Variants in GALNTL6 observed in about 807,000 individuals in gnomAD.
GALNTL6 encodes polypeptide N-acetylgalactosaminyltransferase-like 6.
GALNTL6 carries 46 observed loss-of-function variants against 73.7 expected under a neutral mutation model. That is an observed-to-expected ratio of 0.62 (90% CI 0.49 to 0.80). The LOEUF is 0.80. Ranked by LOEUF, GALNTL6 falls within the 30% of genes least tolerant of loss-of-function variation. GALNTL6 has a pLI of 0.00. For synonymous variants in GALNTL6, 259 were observed against 263.7 expected (o/e 0.98, Z 0.17); for missense variants, 604 against 755.0 (o/e 0.80, Z 2.34).
chr4:172,527,862 A>C (rs1388656608), intron 5 of GALNTL6, among the ~76,000 whole-genome samples: 1 of 152,128 alleles, frequency 6.6e-6, no homozygotes, highest in East Asian at 1.9e-4. Flanking sequence ...GTGTGAACCC[A>C]TTATGTGTTG....
intron 5 of GALNTL6, among the ~76,000 whole-genome samples, chr4:172,747,710 G>A (rs1737186706): frequency 2.0e-5 from 3 of 151,754 alleles, no homozygotes. Context: ...AGAGATGTAT[G>A]CACCCCCATG....
At chr4:172,492,804 C>T (rs1273526825) in intron 5 of GALNTL6, among the ~76,000 whole-genome samples, 1 of 152,066 alleles carries the variant, frequency 6.6e-6, no homozygotes, top group African/African-American at 2.4e-5. Context: ...TTTAATATAA[C>T]ATGCTTAGGT....
intron 8 of GALNTL6, among the ~76,000 whole-genome samples, chr4:172,912,745 G>C (rs1188696344): frequency 6.6e-6 from 1 of 152,232 alleles, no homozygotes; most frequent in Non-Finnish European, 1.5e-5. Context: ...GCCCAGCGCA[G>C]CTCAGTGAGG....
At chr4:172,964,191 T>C (rs1014229494) in intron 10 of GALNTL6, among the ~76,000 whole-genome samples, 3 of 152,218 alleles carry the variant, frequency 2.0e-5, no homozygotes, top group African/African-American at 4.8e-5. Context: ...TGCCTCTTTT[T>C]GTGTCAAGAT....
At chr4:172,876,061 C>T (rs569047861) in intron 7 of GALNTL6, among the ~76,000 whole-genome samples, 83 of 152,274 alleles carry the variant, frequency 5.5e-4, no homozygotes, top group Middle Eastern at 3.4e-3. Flanking sequence ...ATATTTATGG[C>T]TATAGTTTGG....
chr4:172,695,156 C>T (rs1285233232), intron 5 of GALNTL6, among the ~76,000 whole-genome samples: 1 of 152,124 alleles, frequency 6.6e-6, no homozygotes, highest in African/African-American at 2.4e-5. Context: ...TTATCTTCTT[C>T]CTTTACAATG....
Position 172,504,159 on chromosome 4 carries a change from C to CA in GALNTL6, c.553+155490dup, listed in dbSNP as rs775200126. Among the ~76,000 whole-genome samples the CA allele has an allele frequency of 1.2e-3, 6 of 5,154 alleles. 1 individual carries two copies. The highest frequency in any genetic ancestry group is 3.3e-3 in the African/African-American group (6 of 1,820). The allele number at this position is 5,154 out of a possible 152,430, so 3.4% of individuals were successfully genotyped here. A position where few individuals can be genotyped will look rare whatever the true frequency, so the allele number is the denominator to read the frequency against. ...TGGGCAACAGAGCGAGACTCTGTCTCAAAAAAAAAAAAAAAAAAAACTCAC... is the reference window on the plus strand; with the variant it reads ...TGGGCAACAGAGCGAGACTCTGTCTCAAAAAAAAAAAAAAAAAAAAACTCAC... On this transcript the variant is annotated intron_variant, in intron 5 of 12. Coordinates refer to ENST00000506823, the MANE Select transcript of GALNTL6 (RefSeq NM_001034845.3).
chr4:172,132,548 T>A (rs77115648), intron 2 of GALNTL6, among the ~76,000 whole-genome samples: 16,252 of 152,146 alleles, frequency 0.11, 1,186 homozygotes, highest in Middle Eastern at 0.17. Context: ...AGTGTGCACG[T>A]GTGCATGTAC....
intron 2 of GALNTL6, among the ~76,000 whole-genome samples, chr4:171,859,850 G>T (rs565635458): frequency 3.8e-4 from 58 of 152,226 alleles, no homozygotes; most frequent in Non-Finnish European, 6.9e-4. Context: ...TCTACTCCCA[G>T]GAAAAATAGA....
At chr4:172,206,730 GAACAAAATTTTAGAACAGAATGCAT>G (rs1736121913) in intron 2 of GALNTL6, among the ~76,000 whole-genome samples, 1 of 151,128 alleles carries the variant, frequency 6.6e-6, no homozygotes, top group Admixed American at 6.6e-5. Flanking sequence ...CTGAGTCTGG[GAACAAAATTTTAGAACAGAATGCAT>G]ATCAGAGCAG....
intron 2 of GALNTL6, among the ~76,000 whole-genome samples, chr4:171,862,454 G>A (rs1357098344): frequency 6.6e-6 from 1 of 151,958 alleles, no homozygotes; most frequent in Non-Finnish European, 1.5e-5. Flanking sequence ...CTAAATACAT[G>A]TTAATTTATT....
intron 3 of GALNTL6, among the ~76,000 whole-genome samples, chr4:172,299,301 A>G (rs1043720017): frequency 2.6e-5 from 4 of 151,654 alleles, no homozygotes; most frequent in African/African-American, 7.3e-5. Context: ...AATGTTGTTG[A>G]TCTTTTCAAA....
At chr4:172,905,781 G>A (rs921862894) in intron 8 of GALNTL6, among the ~76,000 whole-genome samples, 1 of 102,620 alleles carries the variant, frequency 9.7e-6, no homozygotes, top group Non-Finnish European at 1.8e-5. Flanking sequence ...GTTTTAAGAT[G>A]GAAAAGAAAG....
chr4:171,950,041 TGAGAATAGCCCTGGC>T (rs1738825000), intron 2 of GALNTL6, among the ~76,000 whole-genome samples: 1 of 152,160 alleles, frequency 6.6e-6, no homozygotes, highest in South Asian at 2.1e-4. Context: ...ACCAAAGATC[TGAGAATAGCCCTGGC>T]GAGAAAATAG....
intron 5 of GALNTL6, among the ~76,000 whole-genome samples, chr4:172,384,603 C>G (rs532177526): frequency 6.6e-6 from 1 of 151,854 alleles, no homozygotes; most frequent in South Asian, 2.1e-4. Context: ...AATTTCTACC[C>G]TTAATACTAT....
chr4:172,596,432 G>A (rs1165031968), intron 5 of GALNTL6, among the ~76,000 whole-genome samples: 1 of 145,508 alleles, frequency 6.9e-6, no homozygotes, highest in Non-Finnish European at 1.5e-5. Context: ...GCAACAGAGG[G>A]AGACATTGTC....
Position 171,826,891 on chromosome 4 carries a change from C to T in GALNTL6, c.138+12173C>T, listed in dbSNP as rs77398414. 2.0e-4 allele frequency among the ~76,000 whole-genome samples: 31 copies of T among 152,138 alleles called. No homozygotes were observed. In the East Asian group the frequency reaches 4.6e-3, roughly 23 times the overall value. ...ATTCTTCTGTCTTCACTGCCATTCC[C>T]AACCAACACCCATACCACGTACATT... On this transcript the variant is annotated intron_variant, in intron 2 of 12. Transcript: ENST00000506823.
At chr4:172,004,919 C>A (rs1740789895) in intron 2 of GALNTL6, among the ~76,000 whole-genome samples, 1 of 150,400 alleles carries the variant, frequency 6.6e-6, no homozygotes, top group Admixed American at 6.6e-5. Flanking sequence ...AAGTTTGGAA[C>A]CTTAGATTTA....
intron 4 of GALNTL6, among the ~76,000 whole-genome samples, chr4:172,346,803 T>C (rs1025149915): frequency 6.6e-6 from 1 of 152,100 alleles, no homozygotes; most frequent in Non-Finnish European, 1.5e-5. Flanking sequence ...TCATGTGTAC[T>C]AGTAATTTGA....
Sources: allele counts gnomAD v4.1 joint callset (sites outside exome capture counted in the v4.1 genomes callset), GRCh38; gene constraint gnomAD v4.1.1; transcripts MANE v1.5; gene names NCBI Gene and HGNC (gene_info 2026-07-23, HGNC 2026-07-21).